Variants in MDGA2 observed in about 807,000 individuals in gnomAD.
MDGA2 encodes the protein MAM domain containing glycosylphosphatidylinositol anchor 2, also known as MAM domain-containing glycosylphosphatidylinositol anchor protein 2.
Under a neutral mutation model 117.8 loss-of-function variants are expected in MDGA2, and 40 were observed. The observed-to-expected ratio is 0.34, with a 90% CI of 0.26 to 0.44. The LOEUF is 0.44. MDGA2 is among the 20% of genes least tolerant of loss of function. The pLI is 1.00. For synonymous variants in MDGA2, 452 were observed against 439.0 expected (o/e 1.03, Z -0.37); for missense variants, 1,123 against 1,250.6 (o/e 0.90, Z 1.54).
intron 10 of MDGA2, among the ~76,000 whole-genome samples, chr14:46,888,013 T>C (rs1213119816): frequency 1.3e-5 from 2 of 151,896 alleles, no homozygotes; most frequent in Non-Finnish European, 2.9e-5. Flanking sequence ...ATAATGAGTG[T>C]TCTACTCAAG....
intron 14 of MDGA2, among the ~76,000 whole-genome samples, chr14:46,868,062 T>C (rs1038121425): frequency 2.6e-5 from 4 of 151,992 alleles, no homozygotes; most frequent in African/African-American, 9.7e-5. Flanking sequence ...GGATCATTCT[T>C]TAAATCTATT....
chr14:47,460,798 A>G lies in MDGA2; in HGVS notation c.281-159248T>C, dbSNP rs144346116. Among the ~76,000 whole-genome samples the G allele has an allele frequency of 1.1e-3, 166 of 152,264 alleles. 1 individual carries two copies. Among genetic ancestry groups the G allele is most frequent in the African/African-American group, 3.5e-3 (144 of 41,560 alleles). On this transcript the variant is annotated intron_variant, in intron 1 of 16. Coordinates refer to ENST00000399232, the MANE Select transcript of MDGA2 (RefSeq NM_001113498.3). ...AGGATAATATGAGTATCCCTGATCC[A>G]TTGTTCGCCTTGGAATGACTCTAAA...
At chr14:47,161,978 T>G (rs1287271726) in intron 3 of MDGA2, among the ~76,000 whole-genome samples, 3 of 131,936 alleles carry the variant, frequency 2.3e-5, no homozygotes, top group Non-Finnish European at 4.7e-5. Context: ...AGGAGTCTTG[T>G]TCTGTTATCC....
At chr14:47,028,738 C>T (rs544099100) in intron 8 of MDGA2, among the ~76,000 whole-genome samples, 1 of 152,198 alleles carries the variant, frequency 6.6e-6, no homozygotes, top group East Asian at 1.9e-4. Flanking sequence ...AATTATCATG[C>T]TTATGGGACT....
chr14:47,351,497 G>T (rs1387864921), intron 1 of MDGA2, among the ~76,000 whole-genome samples: 5 of 152,068 alleles, frequency 3.3e-5, no homozygotes, highest in African/African-American at 1.2e-4. Context: ...CAAGGGCCAG[G>T]ATTCAACATC....
intron 14 of MDGA2, among the ~76,000 whole-genome samples, chr14:46,861,836 A>C (rs1004592278): frequency 1.3e-5 from 2 of 152,022 alleles, no homozygotes; most frequent in African/African-American, 4.8e-5. Context: ...TCTTAAGTTT[A>C]TAAAAGAGAA....
At chr14:47,462,576 T>C (rs1283864676) in intron 1 of MDGA2, among the ~76,000 whole-genome samples, 1 of 152,092 alleles carries the variant, frequency 6.6e-6, no homozygotes, top group East Asian at 1.9e-4. Flanking sequence ...AGAATATAAG[T>C]TACATTTAAA....
chr14:47,418,843 A>G (rs1337576462), intron 1 of MDGA2, among the ~76,000 whole-genome samples: 1 of 152,182 alleles, frequency 6.6e-6, no homozygotes, highest in Non-Finnish European at 1.5e-5. Context: ...AATTCTGTTA[A>G]GAAGGTCAGC....
At chr14:47,263,902 A>T (rs958194498) in intron 2 of MDGA2, among the ~76,000 whole-genome samples, 1 of 152,192 alleles carries the variant, frequency 6.6e-6, no homozygotes. Context: ...AACTCCAACA[A>T]GCACCAACCA....
At chr14:47,077,784 C>T (rs55697725) in intron 6 of MDGA2, among the ~76,000 whole-genome samples, 30,257 of 151,328 alleles carry the variant, frequency 0.2, 3,069 homozygotes, top group Admixed American at 0.29. Flanking sequence ...ATTACGGCAA[C>T]CAAAATGATA....
chr14:47,558,365 C>T (rs1411983912), intron 1 of MDGA2, among the ~76,000 whole-genome samples: 1 of 152,090 alleles, frequency 6.6e-6, no homozygotes, highest in Non-Finnish European at 1.5e-5. Flanking sequence ...GATTTTAACC[C>T]AGCATCTGGA....
intron 8 of MDGA2, among the ~76,000 whole-genome samples, chr14:46,976,629 C>T (rs774559671): frequency 4.6e-5 from 7 of 151,716 alleles, no homozygotes; most frequent in African/African-American, 7.3e-5. Flanking sequence ...CTATCATATC[C>T]GTTATTGGTA....
At chr14:47,635,440 G>T (rs10150627) in intron 1 of MDGA2, among the ~76,000 whole-genome samples, 39,218 of 151,916 alleles carry the variant, frequency 0.26, 6,060 homozygotes, top group South Asian at 0.46. Context: ...ACACAGAGCA[G>T]ATGGTTTACA....
intron 1 of MDGA2, among the ~76,000 whole-genome samples, chr14:47,430,308 A>G (rs1892774082): frequency 6.6e-6 from 1 of 152,108 alleles, no homozygotes; most frequent in Admixed American, 6.6e-5. Context: ...CTAAAAGAAG[A>G]GGACAATTCT....
At chr14:47,078,104 A>T (rs1890563404) in intron 6 of MDGA2, among the ~76,000 whole-genome samples, 1 of 152,104 alleles carries the variant, frequency 6.6e-6, no homozygotes, top group South Asian at 2.1e-4. Flanking sequence ...ATTTTACTGT[A>T]TTGAAGCCAG....
At chr14:47,163,891 A>G (rs1435567439) in intron 3 of MDGA2, among the ~76,000 whole-genome samples, 1 of 152,218 alleles carries the variant, frequency 6.6e-6, no homozygotes, top group Non-Finnish European at 1.5e-5. Context: ...TGAGCACAAC[A>G]GCACACATTG....
intron 2 of MDGA2, among the ~76,000 whole-genome samples, chr14:47,266,885 C>T (rs1887983167): frequency 6.6e-6 from 1 of 152,184 alleles, no homozygotes; most frequent in Non-Finnish European, 1.5e-5. Context: ...AGGTGCTCTG[C>T]CTTCATGTTA....
chr14:47,555,921 T>C (rs1474870470), intron 1 of MDGA2, among the ~76,000 whole-genome samples: 2 of 152,180 alleles, frequency 1.3e-5, no homozygotes, highest in African/African-American at 4.8e-5. Context: ...GAGAGCAAAC[T>C]GGTTCTTCAA....
chr14:47,210,016 A>T (rs1390090063), intron 3 of MDGA2, among the ~76,000 whole-genome samples: 1 of 152,168 alleles, frequency 6.6e-6, no homozygotes, highest in East Asian at 1.9e-4. Flanking sequence ...TTCTGTCTAA[A>T]AATCAAGTTG....
Sources: gnomAD v4.1 joint callset for allele counts (sites outside exome capture counted in the v4.1 genomes callset) on GRCh38, gnomAD v4.1.1 for gene constraint, MANE v1.5 for transcripts, NCBI Gene and HGNC (gene_info 2026-07-23, HGNC 2026-07-21) for gene names.